ERC1: variants seen among roughly 807,000 people sequenced by gnomAD.
ERC1 encodes the protein ELKS/RAB6-interacting/CAST family member 1.
ERC1 carries 56 observed loss-of-function variants against 132.0 expected under a neutral mutation model. The observed-to-expected ratio is 0.42, with a 90% CI of 0.34 to 0.53. The LOEUF (loss-of-function observed/expected upper bound fraction) is 0.53, where lower values mean the gene tolerates loss of function less well. Among genes scored for constraint, ERC1 ranks in the 20% least tolerant of loss-of-function variants. The probability of loss-of-function intolerance (pLI) is 0.03; values close to 1 mark genes in which losing one functional copy is unlikely to be tolerated. For synonymous variants in ERC1, 478 were observed against 476.1 expected (o/e 1.00, Z -0.05); for missense variants, 1,202 against 1,349.9 (o/e 0.89, Z 1.72).
chr12:1,264,632 C>T (rs2077364065), intron 14 of ERC1, among the ~76,000 whole-genome samples: 1 of 152,084 alleles, frequency 6.6e-6, no homozygotes, highest in Admixed American at 6.5e-5. Context: ...CCACTGCACT[C>T]CAGCCTGGGC....
intron 15 of ERC1, among the ~76,000 whole-genome samples, chr12:1,298,101 AAAG>A (rs2080103025): frequency 6.6e-6 from 1 of 152,224 alleles, no homozygotes; most frequent in Admixed American, 6.5e-5. Context: ...CTAACAAAAA[AAAG>A]AAGAAAGGAA....
rs1293909040 is a variant in ERC1, at chr12:1,494,206, G to A, written c.*3976G>A. On this transcript the variant is annotated 3_prime_UTR_variant, in exon 19 of 19. Transcript: ENST00000360905. ...CTCCTGGCCTCCTCTTCACCTGCCTGGGTTCGGAACTGAGGAGGAAGGATG... is the reference window on the plus strand; with the variant it reads ...CTCCTGGCCTCCTCTTCACCTGCCTAGGTTCGGAACTGAGGAGGAAGGATG... The A allele has an allele frequency of 4.3e-6, 1 of 232,298 alleles. No individual in the cohort carries two copies. Among genetic ancestry groups the A allele is most frequent in the Non-Finnish European group, 8.5e-6 (1 of 117,506 alleles). The allele number at this position is 232,298 out of a possible 1,614,324, so 14.4% of individuals were successfully genotyped here.
chr12:1,312,432 G>A (rs1245739915), intron 15 of ERC1, among the ~76,000 whole-genome samples: 1 of 152,068 alleles, frequency 6.6e-6, no homozygotes, highest in Non-Finnish European at 1.5e-5. Flanking sequence ...CGGGATCTCG[G>A]CTCACTGCAA....
At chr12:1,116,547 A>AAC (rs1946465610) in intron 7 of ERC1, among the ~76,000 whole-genome samples, 1 of 151,944 alleles carries the variant, frequency 6.6e-6, no homozygotes, top group Admixed American at 6.6e-5. Flanking sequence ...CCTGTTTGAA[A>AAC]ATAAAGTTAG....
At chr12:1,014,828 A>G (rs1344195562) in intron 1 of ERC1, among the ~76,000 whole-genome samples, 2 of 151,698 alleles carry the variant, frequency 1.3e-5, no homozygotes, top group Non-Finnish European at 1.5e-5. Context: ...CAGTGGTGCA[A>G]TCTCAGCTCA....
chr12:1,032,154 C>G (rs1296398325), intron 2 of ERC1, among the ~76,000 whole-genome samples: 1 of 151,722 alleles, frequency 6.6e-6, no homozygotes, highest in Non-Finnish European at 1.5e-5. Flanking sequence ...CTGGTTCAAG[C>G]AGTTCTCCTG....
At chr12:1,097,082 C>A (rs886838130) in intron 3 of ERC1, among the ~76,000 whole-genome samples, 1 of 151,982 alleles carries the variant, frequency 6.6e-6, no homozygotes, top group Non-Finnish European at 1.5e-5. Flanking sequence ...ACCGATTTGC[C>A]CTTAATTCCT....
intron 15 of ERC1, among the ~76,000 whole-genome samples, chr12:1,328,346 G>A (rs896580595): frequency 2.0e-5 from 3 of 151,694 alleles, no homozygotes; most frequent in Non-Finnish European, 2.9e-5. Context: ...GCCTCACTTC[G>A]TTGCCCAGGC....
intron 14 of ERC1, among the ~76,000 whole-genome samples, chr12:1,276,440 A>G (rs755177166): frequency 4.0e-5 from 6 of 151,806 alleles, no homozygotes; most frequent in Non-Finnish European, 2.9e-5. Flanking sequence ...GGGTTTCGCT[A>G]TGTTGACCAG....
intron 7 of ERC1, among the ~76,000 whole-genome samples, chr12:1,118,382 G>A (rs190439128): frequency 6.4e-4 from 97 of 152,200 alleles, no homozygotes; most frequent in African/African-American, 2.2e-3. Flanking sequence ...ATTCTTATTA[G>A]CCAGGTCTCA....
intron 13 of ERC1, among the ~76,000 whole-genome samples, chr12:1,252,588 G>T (rs2076536279): frequency 1.3e-5 from 2 of 152,076 alleles, no homozygotes; most frequent in Admixed American, 1.3e-4. Flanking sequence ...GTACTTTTCT[G>T]TTTATTTAAT....
At chr12:1,293,651 G>A (rs1228221552) in intron 15 of ERC1, among the ~76,000 whole-genome samples, 1 of 152,010 alleles carries the variant, frequency 6.6e-6, no homozygotes, top group Admixed American at 6.6e-5. Flanking sequence ...AAAAATTGTG[G>A]GGTTGTTCAC....
chr12:992,948 G>A (rs1351165334), intron 1 of ERC1, among the ~76,000 whole-genome samples: 3 of 152,222 alleles, frequency 2.0e-5, no homozygotes, highest in Non-Finnish European at 4.4e-5. Flanking sequence ...AATAGCCAGA[G>A]AAGTGCTTTC....
intron 7 of ERC1, among the ~76,000 whole-genome samples, chr12:1,133,704 C>G (rs1948990703): frequency 6.6e-6 from 1 of 152,076 alleles, no homozygotes; most frequent in South Asian, 2.1e-4. Context: ...GTATATAATA[C>G]AGCATTATTA....
At chr12:1,030,802 T>G (rs1252142842) in intron 2 of ERC1, among the ~76,000 whole-genome samples, 1 of 152,230 alleles carries the variant, frequency 6.6e-6, no homozygotes, top group Non-Finnish European at 1.5e-5. Flanking sequence ...GATACACAGA[T>G]ATTTACCATT....
At chr12:1,328,272 A>G (rs541544469) in intron 15 of ERC1, among the ~76,000 whole-genome samples, 12 of 152,128 alleles carry the variant, frequency 7.9e-5, no homozygotes, top group African/African-American at 2.9e-4. Context: ...TCAGCCTCCC[A>G]AGTAGCTGAG....
chr12:1,303,798 T>C (rs1239257799), intron 15 of ERC1, among the ~76,000 whole-genome samples: 2 of 150,454 alleles, frequency 1.3e-5, no homozygotes, highest in Non-Finnish European at 3.0e-5. Flanking sequence ...CTACTAAAAA[T>C]ACAAAATTAG....
At chr12:1,449,207 T>C (rs189269318) in intron 18 of ERC1, among the ~76,000 whole-genome samples, 4 of 152,336 alleles carry the variant, frequency 2.6e-5, no homozygotes, top group Non-Finnish European at 4.4e-5. Context: ...TACAGGCTTA[T>C]AGGCAGAAGG....
At chr12:1,255,855 G>A (rs1459718542) in intron 13 of ERC1, among the ~76,000 whole-genome samples, 1 of 151,208 alleles carries the variant, frequency 6.6e-6, no homozygotes, top group African/African-American at 2.4e-5. Flanking sequence ...TAGCCAGGAT[G>A]GTCTCAATCT....
Sources: allele counts gnomAD v4.1 joint callset (sites outside exome capture counted in the v4.1 genomes callset), GRCh38; gene constraint gnomAD v4.1.1; transcripts MANE v1.5; gene names NCBI Gene and HGNC (gene_info 2026-07-23, HGNC 2026-07-21).